Variants in MED12L observed in about 807,000 individuals in gnomAD.
MED12L encodes the protein mediator complex subunit 12L.
Under a neutral mutation model 281.3 loss-of-function variants are expected in MED12L, and 60 were observed. That is an observed-to-expected ratio of 0.21 (90% CI 0.17 to 0.26). The LOEUF (loss-of-function observed/expected upper bound fraction) is 0.26, where lower values mean the gene tolerates loss of function less well. MED12L is among the 10% of genes least tolerant of loss of function. MED12L has a pLI of 1.00. For synonymous variants in MED12L, 974 were observed against 987.2 expected, an observed-to-expected ratio of 0.99 and a Z score of 0.25; for missense variants, 2,146 against 2,680.9, an observed-to-expected ratio of 0.80 and a Z score of 4.41.
At chr3:151,112,276 CTTTTTCTTTTTT>C (rs1013063786) in intron 2 of MED12L, among the ~76,000 whole-genome samples, 2 of 131,258 alleles carry the variant, frequency 1.5e-5, no homozygotes, top group African/African-American at 6.7e-5. Flanking sequence ...TTAACAATTT[CTTTTTCTTTTTT>C]TTTTTTTTTT....
intron 5 of MED12L, among the ~76,000 whole-genome samples, chr3:151,134,682 G>T (rs1179757642): frequency 6.6e-6 from 1 of 152,194 alleles, no homozygotes. Flanking sequence ...AGTGACTTAG[G>T]TGTATACTTT....
chr3:151,337,891 C>A, intron 16 of MED12L: 1 of 1,614,094 alleles, frequency 6.2e-7, no homozygotes, highest in African/African-American at 1.3e-5. Context: ...AGAGATGTTG[C>A]AGAATTGGGG....
intron 5 of MED12L, among the ~76,000 whole-genome samples, chr3:151,130,110 T>A (rs2148813587): frequency 6.6e-6 from 1 of 152,266 alleles, no homozygotes; most frequent in South Asian, 2.1e-4. Flanking sequence ...GACCTGGATA[T>A]CCAATTGCTT....
In MED12L at chr3:151,376,076, C is replaced by T; in HGVS notation, c.3915C>T (p.Asp1305=). The change falls in exon 28 of 45, where the codon GAC becomes GAT. Residue 1305 remains aspartate, a synonymous_variant. Coordinates refer to ENST00000687756, the MANE Select transcript of MED12L (RefSeq NM_001393769.1). ...AAGAACCTGAAAGATTATGTACAGA[C>T]AAAGAACTTATATTGGACCCTGTGC... ...CLKEPERLCT[D]KELILDPVLS... 1 of 1,608,044 alleles carries T rather than the reference C, an allele frequency of 6.2e-7. No homozygotes were observed. The highest frequency in any genetic ancestry group is 8.5e-7 in the Non-Finnish European group (1 of 1,177,974).
intron 28 of MED12L, 34 bp downstream of exon 28, chr3:151,376,248 G>T: frequency 7.4e-7 from 1 of 1,344,506 alleles, no homozygotes; most frequent in African/African-American, 1.5e-5. Context: ...TCTGTCATTT[G>T]ATAAATTCTT....
intron 16 of MED12L, chr3:151,337,242 CCAAT>C (rs1157300008): frequency 6.6e-6 from 1 of 152,038 alleles, no homozygotes; most frequent in Non-Finnish European, 1.5e-5. Context: ...AAAATTAAGT[CCAAT>C]CAAATACAGT....
chr3:151,151,989 G>A (rs951235439), intron 5 of MED12L, among the ~76,000 whole-genome samples: 2 of 151,810 alleles, frequency 1.3e-5, no homozygotes, highest in Non-Finnish European at 2.9e-5. Flanking sequence ...AGCTAGCATG[G>A]TGGTGAGAAA....
chr3:151,110,054 C>T lies in MED12L; in HGVS notation c.100-6284C>T, dbSNP rs540930420. On this transcript the variant is annotated intron_variant, in intron 2 of 44. Coordinates refer to ENST00000687756, the MANE Select transcript of MED12L (RefSeq NM_001393769.1). ...AAGCTTAAATCTCTGTAAGGAAAGG[C>T]GTCGTAAGAATTTTGGTGGCTGTTA... 6.6e-4 allele frequency among the ~76,000 whole-genome samples: 101 copies of T among 152,244 alleles called. 1 individual carries two copies. In the South Asian group the frequency reaches 0.014, roughly 21 times the overall value.
At chr3:151,183,009 A>G (rs1020515423) in intron 11 of MED12L, among the ~76,000 whole-genome samples, 5 of 152,224 alleles carry the variant, frequency 3.3e-5, no homozygotes, top group Non-Finnish European at 7.3e-5. Context: ...CCAAGGCTTC[A>G]GGAGAGCATA....
intron 25 of MED12L, among the ~76,000 whole-genome samples, chr3:151,368,586 A>ATTTATTTTATTTTATTTTAT (rs71637017): frequency 1.8e-4 from 22 of 120,782 alleles, no homozygotes; most frequent in African/African-American, 4.0e-4. Flanking sequence ...GGCAATGGTG[A>ATTTATTTTATTTTATTTTAT]TTTATTTTAT....
chr3:151,261,979 G>A (rs1400013313), intron 16 of MED12L, among the ~76,000 whole-genome samples: 1 of 152,022 alleles, frequency 6.6e-6, no homozygotes, highest in Admixed American at 6.6e-5. Flanking sequence ...GACCCGCCTC[G>A]GCCTCCCAGT....
At chr3:151,296,050 A>C (rs975967490) in intron 16 of MED12L, among the ~76,000 whole-genome samples, 8 of 152,218 alleles carry the variant, frequency 5.3e-5, no homozygotes, top group South Asian at 2.1e-4. Context: ...TAGTCTAATG[A>C]TAAATGCTGA....
intron 16 of MED12L, among the ~76,000 whole-genome samples, chr3:151,207,364 G>A (rs1726521421): frequency 6.6e-6 from 1 of 152,180 alleles, no homozygotes; most frequent in Admixed American, 6.5e-5. Flanking sequence ...CACCTGCTAT[G>A]TGCTGTTAGA....
intron 44 of MED12L, among the ~76,000 whole-genome samples, chr3:151,430,980 A>G (rs959781157): frequency 1.3e-5 from 2 of 151,862 alleles, no homozygotes; most frequent in Non-Finnish European, 2.9e-5. Flanking sequence ...CTTTCTAGAG[A>G]ATTTACCAAT....
At chr3:151,230,006 G>C (rs950624695) in intron 16 of MED12L, among the ~76,000 whole-genome samples, 1 of 152,014 alleles carries the variant, frequency 6.6e-6, no homozygotes, top group Admixed American at 6.5e-5. Flanking sequence ...GTCTCGCTCT[G>C]TTGCCCAGGC....
intron 24 of MED12L, 86 bp downstream of exon 24, chr3:151,367,852 T>G: frequency 1.4e-6 from 2 of 1,428,144 alleles, no homozygotes; most frequent in Non-Finnish European, 1.9e-6. Context: ...GGGAAAGGAG[T>G]ATTTGAGGGT....
intron 16 of MED12L, among the ~76,000 whole-genome samples, chr3:151,341,684 G>A (rs562482014): frequency 3.3e-5 from 5 of 151,474 alleles, no homozygotes; most frequent in South Asian, 4.2e-4. Context: ...CCATTAACTC[G>A]TCATTTAGCA....
chr3:151,300,158 T>C, intron 16 of MED12L: 3 of 1,217,460 alleles, frequency 2.5e-6, no homozygotes, highest in Non-Finnish European at 2.4e-6. Context: ...TTGGGGACGA[T>C]TGAGGCGTGG....
chr3:151,226,580 T>C (rs1461307844), intron 16 of MED12L, among the ~76,000 whole-genome samples: 1 of 152,142 alleles, frequency 6.6e-6, no homozygotes, highest in Middle Eastern at 3.2e-3. Context: ...TTCAACATTT[T>C]GCTGGAGTCG....
Sources: gnomAD v4.1 joint callset for allele counts (sites outside exome capture counted in the v4.1 genomes callset) on GRCh38, gnomAD v4.1.1 for gene constraint, MANE v1.5 for transcripts, NCBI Gene and HGNC (gene_info 2026-07-23, HGNC 2026-07-21) for gene names.